Variants in ESRRG observed in about 807,000 individuals in gnomAD.
ESRRG encodes estrogen related receptor gamma.
ESRRG carries 13 observed loss-of-function variants against 44.0 expected under a neutral mutation model. That is an observed-to-expected ratio of 0.30 (90% CI 0.19 to 0.47). The LOEUF (loss-of-function observed/expected upper bound fraction) is 0.47, where lower values mean the gene tolerates loss of function less well. Ranked by LOEUF, ESRRG falls within the 20% of genes least tolerant of loss-of-function variation. The pLI, the probability that ESRRG is intolerant of heterozygous loss-of-function variation, is 1.00. For synonymous variants in ESRRG, 215 were observed against 214.6 expected (o/e 1.00, Z -0.02); for missense variants, 395 against 580.6 (o/e 0.68, Z 3.29).
chr1:216,957,372 C>G (rs2068149519), intron 1 of ESRRG, among the ~76,000 whole-genome samples: 1 of 152,154 alleles, frequency 6.6e-6, no homozygotes, highest in South Asian at 2.1e-4. Flanking sequence ...ATCTATCTTC[C>G]TACTCAGCAC....
upstream of ESRRG, among the ~76,000 whole-genome samples, chr1:216,725,560 T>C (rs2152095550): frequency 6.6e-6 from 1 of 152,198 alleles, no homozygotes; most frequent in South Asian, 2.1e-4. Context: ...CTCAAAGAAA[T>C]ATGGAAGCTA....
intron 1 of ESRRG, among the ~76,000 whole-genome samples, chr1:216,942,080 T>G (rs2065325611): frequency 1.3e-5 from 2 of 150,322 alleles, no homozygotes; most frequent in South Asian, 4.3e-4. Flanking sequence ...CCTCCCCTCT[T>G]TTGGAGTCCC....
chr1:216,626,944 GC>G, intron 3 of ESRRG, among the ~76,000 whole-genome samples: 1 of 152,124 alleles, frequency 6.6e-6, no homozygotes, highest in Non-Finnish European at 1.5e-5. Flanking sequence ...CTATCTTTGT[GC>G]CCAGGGCTCT....
chr1:216,582,832 G>T (rs2063049115), intron 3 of ESRRG, among the ~76,000 whole-genome samples: 2 of 152,154 alleles, frequency 1.3e-5, no homozygotes, highest in Non-Finnish European at 2.9e-5. Context: ...GGCAAAAGAT[G>T]AAAAGGATCC....
rs77637053 is a variant in ESRRG at position 216,920,538 on chromosome 1, T to C, written c.-14+19044A>G. Among the ~76,000 whole-genome samples the C allele has an allele frequency of 1.5e-3, 231 of 152,206 alleles. 6 individuals are homozygous for C. The East Asian group carries it at 0.033, about 22-fold the overall frequency. ...TAATGACGTCTTTTTATCTTTCAAG[T>C]TCACCATAAAAGAAACAAGCCAGAA... is the stretch of plus-strand genomic sequence containing the variant. On this transcript the variant is annotated intron_variant, in intron 2 of 7. Transcript: ENST00000359162.
At chr1:217,077,366 G>A (rs1278215432) in intron 1 of ESRRG, among the ~76,000 whole-genome samples, 1 of 152,198 alleles carries the variant, frequency 6.6e-6, no homozygotes, top group African/African-American at 2.4e-5. Context: ...GTTAATTGGA[G>A]TTATGAAAGT....
chr1:216,647,052 A>G (rs1259023465), intron 3 of ESRRG, among the ~76,000 whole-genome samples: 2 of 152,166 alleles, frequency 1.3e-5, no homozygotes, highest in African/African-American at 4.8e-5. Flanking sequence ...TTTGCTACTG[A>G]CAGTGAGCAA....
intron 1 of ESRRG, among the ~76,000 whole-genome samples, chr1:217,035,307 G>C (rs1008436796): frequency 8.1e-6 from 1 of 122,900 alleles, no homozygotes; most frequent in African/African-American, 3.1e-5. Flanking sequence ...GCAGCCTAGC[G>C]AGACTCTGTC....
chr1:217,135,326 T>C (rs1304132162), intron 1 of ESRRG, among the ~76,000 whole-genome samples: 1 of 152,086 alleles, frequency 6.6e-6, no homozygotes, highest in Non-Finnish European at 1.5e-5. Flanking sequence ...TAAAGGCCAG[T>C]CTTGACTCAT....
chr1:217,094,097 C>T (rs1376763870), upstream of ESRRG, among the ~76,000 whole-genome samples: 2 of 151,940 alleles, frequency 1.3e-5, no homozygotes, highest in African/African-American at 4.8e-5. Context: ...GTTGTCCAGG[C>T]TGGTCTCAAA....
intron 2 of ESRRG, among the ~76,000 whole-genome samples, chr1:216,882,084 C>T (rs2096456894): frequency 6.6e-6 from 1 of 151,956 alleles, no homozygotes; most frequent in Non-Finnish European, 1.5e-5. Context: ...TTTGTTTAGC[C>T]CTCACAACCA....
chr1:216,892,474 T>C (rs543902000), intron 2 of ESRRG, among the ~76,000 whole-genome samples: 6 of 152,278 alleles, frequency 3.9e-5, no homozygotes, highest in Middle Eastern at 6.8e-3. Context: ...CTAGCCTCTA[T>C]GTAACAAAAA....
intron 3 of ESRRG, among the ~76,000 whole-genome samples, chr1:216,571,742 C>A (rs2149672837): frequency 6.6e-6 from 1 of 152,156 alleles, no homozygotes; most frequent in South Asian, 2.1e-4. Context: ...TCACATAAGT[C>A]CTGATTTTAC....
intron 1 of ESRRG, among the ~76,000 whole-genome samples, chr1:216,998,361 A>G (rs1224500218): frequency 1.3e-5 from 2 of 152,238 alleles, no homozygotes; most frequent in African/African-American, 2.4e-5. Flanking sequence ...AATGTTAACA[A>G]CATTCTTTCT....
At chr1:216,528,092 T>C (rs563999810) in intron 5 of ESRRG, among the ~76,000 whole-genome samples, 61 of 152,262 alleles carry the variant, frequency 4.0e-4, no homozygotes, top group African/African-American at 1.3e-3. Context: ...TTCAAAAAGA[T>C]GCGACGTTAG....
chr1:217,102,679 T>C (rs947290436), intron 1 of ESRRG, among the ~76,000 whole-genome samples: 4 of 152,254 alleles, frequency 2.6e-5, no homozygotes, highest in Non-Finnish European at 5.9e-5. Context: ...AACACATATT[T>C]ATTAAAAACT....
intron 2 of ESRRG, among the ~76,000 whole-genome samples, chr1:216,781,369 A>G (rs2093929240): frequency 6.6e-6 from 1 of 152,020 alleles, no homozygotes; most frequent in African/African-American, 2.4e-5. Flanking sequence ...TCTTTTTAAG[A>G]GCAGTGTTAA....
intron 5 of ESRRG, among the ~76,000 whole-genome samples, chr1:216,556,192 G>A (rs2057510488): frequency 1.3e-5 from 2 of 151,760 alleles, no homozygotes; most frequent in Admixed American, 1.3e-4. Context: ...AAAGTCAGAG[G>A]TAACAGCTCC....
chr1:217,030,429 A>G (rs534400589), intron 1 of ESRRG, among the ~76,000 whole-genome samples: 1 of 152,310 alleles, frequency 6.6e-6, no homozygotes, highest in South Asian at 2.1e-4. Flanking sequence ...AGGTTTAACT[A>G]TGAAAAACTT....
Sources: allele counts gnomAD v4.1 joint callset (sites outside exome capture counted in the v4.1 genomes callset), GRCh38; gene constraint gnomAD v4.1.1; transcripts MANE v1.5; gene names NCBI Gene and HGNC (gene_info 2026-07-23, HGNC 2026-07-21).